TANC1: variants seen among roughly 807,000 people sequenced by gnomAD.
TANC1 encodes tetratricopeptide repeat, ankyrin repeat and coiled-coil containing 1.
In TANC1, 77 loss-of-function variants were observed where a neutral mutation model predicts 149.7. The ratio of observed to expected loss-of-function variants is 0.51; its 90% CI spans 0.43 to 0.62. TANC1 has a LOEUF of 0.62. TANC1 is among the 20% of genes least tolerant of loss of function. The pLI, the probability that TANC1 is intolerant of heterozygous loss-of-function variation, is 0.00. For synonymous variants in TANC1, 854 were observed against 925.0 expected (o/e 0.92, Z 1.39); for missense variants, 1,985 against 2,321.8 (o/e 0.85, Z 2.98).
intron 4 of TANC1, among the ~76,000 whole-genome samples, chr2:159,127,189 A>G (rs2049539074): frequency 6.6e-6 from 1 of 152,206 alleles, no homozygotes; most frequent in African/African-American, 2.4e-5. Flanking sequence ...AGACATTTAC[A>G]TGGCCAACAA....
chr2:159,151,067 T>G (rs1347344255), intron 7 of TANC1, among the ~76,000 whole-genome samples: 2 of 152,206 alleles, frequency 1.3e-5, no homozygotes, highest in African/African-American at 4.8e-5. Flanking sequence ...ACCCACGTAA[T>G]AAGTGTGGTT....
At chr2:159,113,003 C>T (rs1298939853) in intron 4 of TANC1, among the ~76,000 whole-genome samples, 5 of 152,022 alleles carry the variant, frequency 3.3e-5, no homozygotes, top group Non-Finnish European at 4.4e-5. Context: ...TGGGGAATCT[C>T]GGCTCATTGC....
rs35324635 is a variant in TANC1 at position 159,009,890 on chromosome 2, T to TA, written c.-16+8713dup. On this transcript the variant is annotated intron_variant, in intron 2 of 26. Transcript: ENST00000263635. ...AAAAAGTTAGCAATAATTTACAAAT[T>TA]AAAAAAAAAAAATCTGTGTACCTAG... is the stretch of plus-strand genomic sequence containing the variant. 2.0e-3 allele frequency among the ~76,000 whole-genome samples: 294 copies of TA among 148,036 alleles called. 2 individuals carry two copies. The highest frequency in any genetic ancestry group is 3.4e-3 in the Non-Finnish European group (224 of 66,690).
At chr2:159,099,244 G>A (rs765199989) in intron 4 of TANC1, among the ~76,000 whole-genome samples, 6 of 152,134 alleles carry the variant, frequency 3.9e-5, no homozygotes, top group Non-Finnish European at 5.9e-5. Context: ...CCTGTGCCAA[G>A]GAATTTGACC....
chr2:159,091,484 C>G (rs918535543), intron 3 of TANC1, among the ~76,000 whole-genome samples: 1 of 152,174 alleles, frequency 6.6e-6, no homozygotes, highest in Non-Finnish European at 1.5e-5. Flanking sequence ...TTTTAAAGCA[C>G]AGAAACTCTT....
At chr2:159,148,147 A>G (rs1442209007) in intron 5 of TANC1, 1 of 152,236 alleles carries the variant, frequency 6.6e-6, no homozygotes, top group African/African-American at 2.4e-5. Context: ...AATAAAAAAG[A>G]GCAAAATGTT....
intron 25 of TANC1, chr2:159,228,556 C>T (rs980299791): frequency 8.1e-5 from 39 of 478,826 alleles, no homozygotes; most frequent in Non-Finnish European, 1.4e-4. Flanking sequence ...GAGGTTCCAC[C>T]ATCTGGCCTT....
intron 4 of TANC1, among the ~76,000 whole-genome samples, chr2:159,129,749 A>G (rs1157281119): frequency 6.6e-6 from 1 of 152,172 alleles, no homozygotes; most frequent in African/African-American, 2.4e-5. Context: ...GGAAATTGGA[A>G]TGAGGAGAAG....
At chr2:159,054,984 A>G (rs962466114) in intron 2 of TANC1, among the ~76,000 whole-genome samples, 2 of 152,246 alleles carry the variant, frequency 1.3e-5, no homozygotes, top group Admixed American at 1.3e-4. Context: ...CTTTGTATAC[A>G]TAATGCCTCT....
In TANC1 at chr2:159,187,020, T is replaced by G; in HGVS notation, c.2738T>G (p.Val913Gly). The change falls in exon 16 of 27, where the codon GTG becomes GGG. Residue 913 changes from valine (V) to glycine (G), a missense_variant. Val to Gly is a moderately radical substitution (Grantham distance 109). Transcript: ENST00000263635. ...CTCAGGAATCTCTATACTCCCAACGTGAAGGTGAGCAACCTTCTGCACAGA... is the reference window on the plus strand; with the variant it reads ...CTCAGGAATCTCTATACTCCCAACGGGAAGGTGAGCAACCTTCTGCACAGA... The part of the protein sequence containing the change: ...ASLRNLYTPN[V>G]KVSRLLILGG... 6.2e-7 allele frequency: 1 copy of G among 1,614,128 alleles called. No individual in the cohort carries two copies. The highest frequency in any genetic ancestry group is 8.5e-7 in the Non-Finnish European group (1 of 1,180,008).
chr2:159,225,259 G>A (rs770975805), intron 23 of TANC1: 15 of 228,254 alleles, frequency 6.6e-5, no homozygotes, highest in South Asian at 1.9e-4. Context: ...GGTTGTGGCC[G>A]AGCTGTAGGG....
chr2:159,120,835 A>G (rs1255700622), intron 4 of TANC1, among the ~76,000 whole-genome samples: 1 of 152,104 alleles, frequency 6.6e-6, no homozygotes, highest in Non-Finnish European at 1.5e-5. Flanking sequence ...TCCTGAACTT[A>G]AGCGATCCTC....
intron 4 of TANC1, among the ~76,000 whole-genome samples, chr2:159,112,109 A>T (rs2047786516): frequency 6.6e-6 from 1 of 152,182 alleles, no homozygotes; most frequent in African/African-American, 2.4e-5. Flanking sequence ...TTTTTCAGTT[A>T]TACAGTTGCT....
intron 5 of TANC1, among the ~76,000 whole-genome samples, chr2:159,137,275 T>C (rs987460026): frequency 2.0e-5 from 3 of 152,106 alleles, no homozygotes; most frequent in Non-Finnish European, 4.4e-5. Context: ...AAGTAGGACA[T>C]GGGAAGACAA....
intron 2 of TANC1, among the ~76,000 whole-genome samples, chr2:159,055,222 C>T (rs16843635): frequency 0.049 from 7,390 of 152,316 alleles, 560 homozygotes; most frequent in African/African-American, 0.16. Flanking sequence ...GCCCTAGCCA[C>T]GCCTTCTACT....
At chr2:159,221,083 G>T (rs1009906042) in intron 22 of TANC1, among the ~76,000 whole-genome samples, 5 of 152,164 alleles carry the variant, frequency 3.3e-5, no homozygotes, top group African/African-American at 1.2e-4. Context: ...GGGTGCGGTG[G>T]CTCATGCCTG....
At chr2:159,209,068 A>G (rs2058817455) in intron 19 of TANC1, among the ~76,000 whole-genome samples, 1 of 152,240 alleles carries the variant, frequency 6.6e-6, no homozygotes, top group African/African-American at 2.4e-5. Context: ...CTGAAACATC[A>G]TCACACAGCA....
At chr2:158,989,685 C>T (rs942243670) in intron 1 of TANC1, among the ~76,000 whole-genome samples, 35 of 151,054 alleles carry the variant, frequency 2.3e-4, no homozygotes, top group African/African-American at 8.3e-4. Context: ...TTTTGACTGA[C>T]TTTTTGGGAG....
At chr2:158,977,555 C>T (rs1200191402) in intron 1 of TANC1, among the ~76,000 whole-genome samples, 2 of 151,980 alleles carry the variant, frequency 1.3e-5, no homozygotes, top group Non-Finnish European at 2.9e-5. Context: ...AAGTGATCTG[C>T]CCGCCTCGGC....
Sources: allele counts gnomAD v4.1 joint callset (sites outside exome capture counted in the v4.1 genomes callset), GRCh38; gene constraint gnomAD v4.1.1; transcripts MANE v1.5; gene names NCBI Gene and HGNC (gene_info 2026-07-23, HGNC 2026-07-21).